The following DPP10 variants were observed in gnomAD, a reference collection of about 807,000 sequenced individuals.
DPP10 encodes the protein dipeptidyl peptidase like 10.
DPP10 carries 33 observed loss-of-function variants against 120.9 expected under a neutral mutation model. The observed-to-expected ratio is 0.27, with a 90% CI of 0.21 to 0.37. The LOEUF is 0.37. DPP10 is among the 10% of genes least tolerant of loss of function. The pLI, the probability that DPP10 is intolerant of heterozygous loss-of-function variation, is 1.00. For missense variants in DPP10, 816 were observed against 942.8 expected, an observed-to-expected ratio of 0.87 and a Z score of 1.76; for synonymous variants, 337 against 326.1, an observed-to-expected ratio of 1.03 and a Z score of -0.36.
intron 3 of DPP10, among the ~76,000 whole-genome samples, chr2:115,465,579 T>C (rs1255345510): frequency 2.0e-5 from 3 of 152,088 alleles, no homozygotes; most frequent in Non-Finnish European, 4.4e-5. Context: ...TCCCAGTACT[T>C]TGGGAGGCCA....
Position 114,726,230 on chromosome 2 carries a change from C to T in DPP10, c.60+283392C>T, listed in dbSNP as rs188187500. On this transcript the variant is annotated intron_variant, in intron 1 of 25. Coordinates refer to ENST00000410059, the MANE Select transcript of DPP10 (RefSeq NM_020868.6). ...CAGCCTGGGAAACAGAGCGAGACTA[C>T]GTCTAAAAAAAAAAAAAAAAAAAGT... is the stretch of plus-strand genomic sequence containing the variant. 8.3e-3 allele frequency among the ~76,000 whole-genome samples: 1,152 copies of T among 138,616 alleles called. 12 individuals are homozygous for T. Among genetic ancestry groups the T allele is most frequent in the African/African-American group, 0.028 (1,033 of 36,602 alleles). 90.9% of individuals were successfully genotyped at this position (138,616 alleles called of 152,430 possible).
intron 1 of DPP10, chr2:115,233,857 T>G: frequency 2.1e-6 from 1 of 484,564 alleles, no homozygotes; most frequent in South Asian, 1.5e-5. Context: ...TTCCCCATCT[T>G]CCACACACAT....
intron 1 of DPP10, among the ~76,000 whole-genome samples, chr2:114,561,080 C>T (rs1004343227): frequency 6.6e-6 from 1 of 152,156 alleles, no homozygotes; most frequent in African/African-American, 2.4e-5. Flanking sequence ...TGTCTCCTGT[C>T]CCTCCACACC....
intron 21 of DPP10, among the ~76,000 whole-genome samples, chr2:115,822,339 AT>A (rs1251281419): frequency 6.6e-6 from 1 of 151,994 alleles, no homozygotes; most frequent in African/African-American, 2.4e-5. Flanking sequence ...CTTATATCAT[AT>A]CTTAACATCA....
At chr2:115,567,042 A>T (rs935633054) in intron 5 of DPP10, among the ~76,000 whole-genome samples, 3 of 152,066 alleles carry the variant, frequency 2.0e-5, no homozygotes, top group Non-Finnish European at 4.4e-5. Flanking sequence ...AAGCAAACCG[A>T]CTCATTACAT....
intron 1 of DPP10, among the ~76,000 whole-genome samples, chr2:114,793,624 A>G (rs1346943453): frequency 2.0e-5 from 3 of 152,232 alleles, no homozygotes; most frequent in Admixed American, 1.3e-4. Context: ...AGAAGATGTC[A>G]TAGTTAGTCT....
chr2:115,200,643 G>A (rs1472677671), intron 1 of DPP10, among the ~76,000 whole-genome samples: 1 of 152,166 alleles, frequency 6.6e-6, no homozygotes, highest in East Asian at 1.9e-4. Context: ...ATTCTCTGTC[G>A]ATTTCTCTTG....
chr2:115,333,801 T>G (rs2062914479), intron 2 of DPP10, among the ~76,000 whole-genome samples: 1 of 152,126 alleles, frequency 6.6e-6, no homozygotes. Flanking sequence ...CCGCTGTTAG[T>G]CTGATGGGCT....
chr2:115,367,113 T>G (rs1163711963), intron 3 of DPP10, among the ~76,000 whole-genome samples: 1 of 152,036 alleles, frequency 6.6e-6, no homozygotes, highest in African/African-American at 2.4e-5. Flanking sequence ...CTTTAAGTAG[T>G]ACCTAAGCAG....
At chr2:115,197,328 G>T (rs868450738) in intron 1 of DPP10, among the ~76,000 whole-genome samples, 10 of 151,350 alleles carry the variant, frequency 6.6e-5, no homozygotes, top group Admixed American at 5.3e-4. Flanking sequence ...GGAGGCGGAG[G>T]TTGCAGTGAG....
intron 1 of DPP10, among the ~76,000 whole-genome samples, chr2:115,212,262 T>C (rs979901306): frequency 3.3e-5 from 5 of 152,146 alleles, no homozygotes; most frequent in African/African-American, 1.2e-4. Context: ...TTACAGACTC[T>C]TTTGAAGATG....
chr2:114,895,693 G>A (rs1013635713), intron 1 of DPP10, among the ~76,000 whole-genome samples: 2 of 152,208 alleles, frequency 1.3e-5, no homozygotes, highest in Admixed American at 6.5e-5. Context: ...CTTTGGTTTC[G>A]AACTTATTTT....
At chr2:115,450,288 C>T (rs2073000280) in intron 3 of DPP10, among the ~76,000 whole-genome samples, 1 of 151,854 alleles carries the variant, frequency 6.6e-6, no homozygotes, top group African/African-American at 2.4e-5. Context: ...ATGTCACTGC[C>T]TGGAAAAAGA....
At chr2:115,598,812 G>T (rs1168487143) in intron 5 of DPP10, among the ~76,000 whole-genome samples, 5 of 15,700 alleles carry the variant, frequency 3.2e-4, no homozygotes, top group Non-Finnish European at 6.8e-4. Flanking sequence ...AGCCTGAAGA[G>T]CTTTTTTTTT....
intron 1 of DPP10, among the ~76,000 whole-genome samples, chr2:115,163,743 C>G (rs2052614579): frequency 6.6e-6 from 1 of 152,140 alleles, no homozygotes; most frequent in Non-Finnish European, 1.5e-5. Context: ...AGGTGAGAGT[C>G]CCCACATGAA....
At chr2:115,085,893 A>T (rs973121830) in intron 1 of DPP10, among the ~76,000 whole-genome samples, 3 of 152,248 alleles carry the variant, frequency 2.0e-5, no homozygotes, top group Non-Finnish European at 4.4e-5. Context: ...TATCTTGGCC[A>T]AATTCCTACC....
At chr2:115,636,428 G>C (rs1312969483) in intron 5 of DPP10, among the ~76,000 whole-genome samples, 1 of 152,082 alleles carries the variant, frequency 6.6e-6, no homozygotes, top group Non-Finnish European at 1.5e-5. Context: ...TTATTAAACT[G>C]TTTATTTTTC....
chr2:114,559,629 T>G (rs1219659905), intron 1 of DPP10, among the ~76,000 whole-genome samples: 2 of 152,100 alleles, frequency 1.3e-5, no homozygotes, highest in Non-Finnish European at 2.9e-5. Flanking sequence ...CTGTTCCCTA[T>G]TAGCTAGATT....
At chr2:115,010,242 G>T (rs1469008252) in intron 1 of DPP10, among the ~76,000 whole-genome samples, 1 of 152,144 alleles carries the variant, frequency 6.6e-6, no homozygotes, top group Admixed American at 6.6e-5. Flanking sequence ...CCTGCTGGTG[G>T]ATAATAACAG....
Sources: allele counts gnomAD v4.1 joint callset (sites outside exome capture counted in the v4.1 genomes callset), GRCh38; gene constraint gnomAD v4.1.1; transcripts MANE v1.5; gene names NCBI Gene and HGNC (gene_info 2026-07-23, HGNC 2026-07-21).